The following ARSG variants were observed in gnomAD, a reference collection of about 807,000 sequenced individuals.
The protein encoded by ARSG is arylsulfatase G, also known as ASG.
In ARSG, 37 loss-of-function variants were observed where a neutral mutation model predicts 50.5. The ratio of observed to expected loss-of-function variants is 0.73; its 90% CI spans 0.56 to 0.96. The LOEUF is 0.96. ARSG is among the 50% of genes least tolerant of loss of function. The pLI, the probability that ARSG is intolerant of heterozygous loss-of-function variation, is 0.00. For missense variants in ARSG, 629 were observed against 675.3 expected (o/e 0.93, Z 0.76); for synonymous variants, 225 against 254.6 (o/e 0.88, Z 1.11).
chr17:68,361,036 G>A (rs563492054), intron 6 of ARSG, among the ~76,000 whole-genome samples: 1 of 152,236 alleles, frequency 6.6e-6, no homozygotes, highest in East Asian at 1.9e-4. Flanking sequence ...TGTTGGCCAA[G>A]CTTGTCTCGA....
intron 2 of ARSG, among the ~76,000 whole-genome samples, chr17:68,311,880 A>G (rs1428862991): frequency 6.8e-6 from 1 of 147,706 alleles, no homozygotes; most frequent in African/African-American, 2.5e-5. Flanking sequence ...GGCTCACTGC[A>G]ACCTCCACCT....
intron 1 of ARSG, among the ~76,000 whole-genome samples, chr17:68,282,340 C>T (rs1374938390): frequency 4.0e-5 from 6 of 150,304 alleles, no homozygotes; most frequent in Non-Finnish European, 5.9e-5. Context: ...CATCACACAC[C>T]GGGGCCTGTC....
At chr17:68,430,257 C>G in the ARSG span, 1 of 1,261,796 alleles carries the variant, frequency 7.9e-7, no homozygotes, top group Non-Finnish European at 1.1e-6. Flanking sequence ...ACACTCCCCG[C>G]AGCAGGGAGA....
intron 1 of ARSG, among the ~76,000 whole-genome samples, chr17:68,295,824 T>C (rs1555757986): frequency 6.6e-6 from 1 of 151,598 alleles, no homozygotes; most frequent in South Asian, 2.1e-4. Context: ...GGACTACAGG[T>C]GTGTGCCACC....
chr17:68,391,063 A>G (rs915680595), intron 9 of ARSG, among the ~76,000 whole-genome samples: 19 of 151,488 alleles, frequency 1.3e-4, no homozygotes, highest in African/African-American at 4.6e-4. Context: ...GTTTGTATTT[A>G]TTTTGTCTCT....
At chr17:68,435,499 T>G in the ARSG span, 2 of 961,332 alleles carry the variant, frequency 2.1e-6, no homozygotes, top group African/African-American at 1.6e-5. Flanking sequence ...TGAAACAAAT[T>G]CTGAGTGGGC....
At chr17:68,368,298 T>C (rs9891053) in intron 6 of ARSG, among the ~76,000 whole-genome samples, 77,509 of 151,870 alleles carry the variant, frequency 0.51, 19,968 homozygotes, top group African/African-American at 0.55. Flanking sequence ...ACCTAGACAA[T>C]GTGATTCCCA....
intron 2 of ARSG, among the ~76,000 whole-genome samples, chr17:68,320,321 A>G (rs1243993661): frequency 6.6e-6 from 1 of 151,874 alleles, no homozygotes; most frequent in Non-Finnish European, 1.5e-5. Context: ...CCGTGGGGCT[A>G]CAGGAAGAGA....
intron 2 of ARSG, among the ~76,000 whole-genome samples, chr17:68,320,932 A>G (rs1253288140): frequency 2.6e-5 from 4 of 152,152 alleles, no homozygotes; most frequent in Non-Finnish European, 5.9e-5. Flanking sequence ...GTGCATATAT[A>G]TATGAGACTG....
downstream of ARSG, chr17:68,426,247 A>AGGGGGGGGGGGGG: frequency 3.0e-6 from 2 of 655,814 alleles, no homozygotes; most frequent in Non-Finnish European, 4.7e-6. Context: ...GCGGGTGGGG[A>AGGGGGGGGGGGGG]GCGGGGGCTC....
chr17:68,313,681 C>CTTTTTTT lies in ARSG; in HGVS notation c.218+5971_218+5972insTTTTTTT, dbSNP rs10660116. On this transcript the variant is annotated intron_variant, in intron 2 of 11. Transcript: ENST00000621439. ...AGCTGTATTACGTATCTCTCTCTCT[C>CTTTTTTT]TCTTTTTTTTTTTTTTGAGACACAG... Among the ~76,000 whole-genome samples, 162 of 123,322 alleles carry CTTTTTTT rather than the reference C, an allele frequency of 1.3e-3. 4 individuals carry two copies. Among genetic ancestry groups the CTTTTTTT allele is most frequent in the Non-Finnish European group, 1.9e-3 (113 of 59,558 alleles). The allele number at this position is 123,322 out of a possible 152,430, so 80.9% of individuals were successfully genotyped here.
At chr17:68,421,172 C>T (rs2082744371), downstream of ARSG, 1 of 155,040 alleles carries the variant, frequency 6.4e-6, no homozygotes, top group South Asian at 2.0e-4. Context: ...GGCCCAATCC[C>T]CTTCCTCTCC....
the ARSG span, chr17:68,428,753 T>C: frequency 8.7e-7 from 1 of 1,156,038 alleles, no homozygotes; most frequent in South Asian, 1.3e-5. Context: ...GCACTGAAGC[T>C]TGTCGTTCTT....
intron 9 of ARSG, among the ~76,000 whole-genome samples, chr17:68,387,872 G>A (rs1196445222): frequency 6.6e-6 from 1 of 152,096 alleles, no homozygotes; most frequent in African/African-American, 2.4e-5. Context: ...TATGAATACA[G>A]AAAAGTGAAA....
intron 9 of ARSG, among the ~76,000 whole-genome samples, chr17:68,392,674 A>G (rs1600065316): frequency 6.6e-6 from 1 of 152,152 alleles, no homozygotes; most frequent in Middle Eastern, 3.4e-3. Flanking sequence ...TAATTTTTAT[A>G]TTTTTAGTAG....
downstream of ARSG, among the ~76,000 whole-genome samples, chr17:68,422,979 C>T (rs118103666): frequency 1.3e-3 from 201 of 152,230 alleles, no homozygotes; most frequent in Non-Finnish European, 2.1e-3. Context: ...CAAGCGTGAT[C>T]CTACGCAGGG....
chr17:68,279,581 A>G (rs563462785), intron 1 of ARSG, among the ~76,000 whole-genome samples: 25 of 152,298 alleles, frequency 1.6e-4, no homozygotes, highest in African/African-American at 6.0e-4. Context: ...GTAGGGCCCC[A>G]TCTGGACACC....
At chr17:68,338,151 C>T (rs563844190) in intron 2 of ARSG, among the ~76,000 whole-genome samples, 1 of 152,168 alleles carries the variant, frequency 6.6e-6, no homozygotes, top group South Asian at 2.1e-4. Flanking sequence ...CCAGTTAGTA[C>T]TTTCCTCCGT....
intron 9 of ARSG, among the ~76,000 whole-genome samples, chr17:68,391,667 C>T (rs779714521): frequency 1.3e-5 from 2 of 152,178 alleles, no homozygotes; most frequent in African/African-American, 2.4e-5. Context: ...GCAAACAGCT[C>T]CAAACCACCG....
Sources: gnomAD v4.1 joint callset for allele counts (sites outside exome capture counted in the v4.1 genomes callset) on GRCh38, gnomAD v4.1.1 for gene constraint, MANE v1.5 for transcripts, NCBI Gene and HGNC (gene_info 2026-07-23, HGNC 2026-07-21) for gene names.